LRRC69: variants seen among roughly 807,000 people sequenced by gnomAD.
LRRC69 encodes leucine-rich repeat-containing protein 69.
Under a neutral mutation model 37.8 loss-of-function variants are expected in LRRC69, and 42 were observed. That is an observed-to-expected ratio of 1.11 (90% CI 0.87 to 1.44). The LOEUF is 1.44. Ranked by LOEUF, LRRC69 falls within the 40% of genes most tolerant of loss-of-function variation. LRRC69 has a pLI of 0.00. For synonymous variants in LRRC69, 141 were observed against 143.1 expected (o/e 0.99, Z 0.11); for missense variants, 357 against 401.9 (o/e 0.89, Z 0.96).
At chr8:91,102,956 T>A in intron 1 of LRRC69, 112 bp downstream of exon 1, 1 of 1,026,980 alleles carries the variant, frequency 9.7e-7, no homozygotes. Context: ...GAGACTTAGG[T>A]ATCTGGAGAC....
In LRRC69 at chr8:91,176,630, C is replaced by T. The variant is rs185115580; in HGVS notation, c.652-12892C>T. ...GCCCAGGAAAGCCAGTGGTATCCTT[C>T]CAGTTCAATCATGAAGGCCTCAGAA... is the stretch of plus-strand genomic sequence containing the variant. On this transcript the variant is annotated intron_variant, in intron 5 of 7. Transcript: ENST00000448384. Among the ~76,000 whole-genome samples, 255 of 152,288 alleles carry T rather than the reference C, an allele frequency of 1.7e-3. 3 individuals carry two copies. Among genetic ancestry groups the T allele is most frequent in the African/African-American group, 6.0e-3 (250 of 41,554 alleles).
intron 6 of LRRC69, among the ~76,000 whole-genome samples, chr8:91,198,886 C>A (rs973930103): frequency 6.6e-6 from 1 of 152,054 alleles, no homozygotes; most frequent in Non-Finnish European, 1.5e-5. Flanking sequence ...CAAGTAAGAA[C>A]TTTATATTTT....
rs1468072141 is a variant in LRRC69 at position 91,135,380 on chromosome 8, CCAT to C, written c.580-287_580-285del. On this transcript the variant is annotated intron_variant, in intron 4 of 7. Transcript: ENST00000448384. ...AGTACAAAGCAATTAAGAAATTTGCCCATAGTTATAGTACCTGCCAGAGGTGAG... is the reference window on the plus strand; with the variant it reads ...AGTACAAAGCAATTAAGAAATTTGCCAGTTATAGTACCTGCCAGAGGTGAG... Among the ~76,000 whole-genome samples the C allele has an allele frequency of 9.2e-5, 14 of 151,974 alleles. No individual in the cohort carries two copies. In the East Asian group the frequency reaches 2.3e-3, roughly 25 times the overall value.
chr8:91,120,308 C>G (rs2130495978), intron 1 of LRRC69, among the ~76,000 whole-genome samples: 1 of 152,136 alleles, frequency 6.6e-6, no homozygotes. Context: ...CTTTTTGTTT[C>G]TTTTGCTTTT....
At chr8:91,155,641 T>C (rs1234657930) in intron 5 of LRRC69, among the ~76,000 whole-genome samples, 2 of 150,726 alleles carry the variant, frequency 1.3e-5, no homozygotes, top group African/African-American at 4.8e-5. Context: ...TCCTCACCTC[T>C]TCCCTACTCT....
rs181278049 is a variant in LRRC69, at chr8:91,211,509, G to A, written c.934-7381G>A. 2.3e-4 allele frequency among the ~76,000 whole-genome samples: 35 copies of A among 150,446 alleles called. No individual in the cohort carries two copies. In the East Asian group the frequency reaches 4.9e-3, roughly 21 times the overall value. ...AGTGAAAACATGCACAGAATACTTG[G>A]GGATGATAATCAGATTAACCACACT... On this transcript the variant is annotated intron_variant, in intron 7 of 7. Coordinates refer to ENST00000448384, the Ensembl canonical transcript of LRRC69.
intron 1 of LRRC69, among the ~76,000 whole-genome samples, chr8:91,117,583 T>TA (rs1554589185): frequency 2.8e-4 from 29 of 101,830 alleles, no homozygotes; most frequent in African/African-American, 8.5e-4. Context: ...TTTTTTTTTT[T>TA]ACAGGGATAA....
chr8:91,134,293 C>G (rs943603896), intron 4 of LRRC69, among the ~76,000 whole-genome samples: 2 of 151,386 alleles, frequency 1.3e-5, no homozygotes, highest in Non-Finnish European at 2.9e-5. Flanking sequence ...CTCTGAAAGC[C>G]TCAGAACCAG....
chr8:91,137,635 A>G (rs773470539), intron 5 of LRRC69, among the ~76,000 whole-genome samples: 3 of 152,074 alleles, frequency 2.0e-5, no homozygotes, highest in Non-Finnish European at 4.4e-5. Context: ...AATTTGGAGT[A>G]ATTTTGACAG....
intron 7 of LRRC69, among the ~76,000 whole-genome samples, chr8:91,212,199 T>C (rs1420192908): frequency 6.6e-6 from 1 of 151,918 alleles, no homozygotes; most frequent in Non-Finnish European, 1.5e-5. Context: ...TAGTTACTAC[T>C]AACTTTGTCT....
At chr8:91,136,341 T>C (rs1356601853) in intron 5 of LRRC69, among the ~76,000 whole-genome samples, 3 of 152,002 alleles carry the variant, frequency 2.0e-5, no homozygotes, top group Non-Finnish European at 2.9e-5. Flanking sequence ...TGAATAGTTG[T>C]TGACCCATTA....
intron 5 of LRRC69, among the ~76,000 whole-genome samples, chr8:91,174,929 G>T (rs2130588948): frequency 6.6e-6 from 1 of 152,062 alleles, no homozygotes; most frequent in South Asian, 2.1e-4. Flanking sequence ...AAATGACTAA[G>T]GATTGGGAGT....
At position 91,104,290 on chromosome 8, in the gene LRRC69, C is replaced by G. The variant is rs77132893; in HGVS notation, c.183+1446C>G. 5.1e-3 allele frequency among the ~76,000 whole-genome samples: 775 copies of G among 152,062 alleles called. 10 individuals are homozygous for G. The highest frequency in any genetic ancestry group is 0.018 in the African/African-American group (740 of 41,562). On this transcript the variant is annotated intron_variant, in intron 1 of 7. Coordinates refer to ENST00000448384, the Ensembl canonical transcript of LRRC69. ...CTTCAGCTGTCCTTTCCTCTCCCCC[C>G]TCACAAACTCTGAAGTTTTTACTTT...
chr8:91,212,249 A>G (rs954641281), intron 7 of LRRC69, among the ~76,000 whole-genome samples: 1 of 152,154 alleles, frequency 6.6e-6, no homozygotes, highest in Non-Finnish European at 1.5e-5. Context: ...AAATAGTCTC[A>G]TAAAATTCTT....
chr8:91,139,726 T>G (rs1197118945), intron 5 of LRRC69, among the ~76,000 whole-genome samples: 1 of 151,954 alleles, frequency 6.6e-6, no homozygotes, highest in Non-Finnish European at 1.5e-5. Flanking sequence ...AAAACATTTT[T>G]TTCACACGAT....
At chr8:91,152,581 T>C (rs1229649929) in intron 5 of LRRC69, among the ~76,000 whole-genome samples, 4 of 151,668 alleles carry the variant, frequency 2.6e-5, no homozygotes, top group Non-Finnish European at 4.4e-5. Context: ...AGTTTTGTTC[T>C]TTTTGCTTAG....
chr8:91,171,952 T>TC (rs1176467809), intron 5 of LRRC69, among the ~76,000 whole-genome samples: 1 of 79,478 alleles, frequency 1.3e-5, no homozygotes, highest in Admixed American at 9.6e-5. Flanking sequence ...CATGGAGGTT[T>TC]TTTTTTTAAA....
At chr8:91,143,048 T>A (rs944570804) in intron 5 of LRRC69, among the ~76,000 whole-genome samples, 1 of 152,098 alleles carries the variant, frequency 6.6e-6, no homozygotes, top group Admixed American at 6.6e-5. Context: ...TTATATGTTG[T>A]TTAATTCGGT....
downstream of LRRC69, chr8:91,219,163 A>G (rs984799755): frequency 2.5e-5 from 10 of 394,338 alleles, no homozygotes; most frequent in East Asian, 1.1e-4. Context: ...AAGCACTACA[A>G]TCTGCCTTCA....
Sources: allele counts gnomAD v4.1 joint callset (sites outside exome capture counted in the v4.1 genomes callset), GRCh38; gene constraint gnomAD v4.1.1; transcripts MANE v1.5; gene names NCBI Gene and HGNC (gene_info 2026-07-23, HGNC 2026-07-21).